The following SH3BGR variants were observed in gnomAD, a reference collection of about 807,000 sequenced individuals.
The protein encoded by SH3BGR is SH3 domain binding glutamate rich protein, also known as SH3 domain-binding glutamic acid-rich protein.
In SH3BGR, 29 loss-of-function variants were observed where a neutral mutation model predicts 24.5. The ratio of observed to expected loss-of-function variants is 1.18; its 90% CI spans 0.88 to 1.61. SH3BGR has a LOEUF of 1.61. Among genes scored for constraint, SH3BGR ranks in the 40% most tolerant of loss-of-function variants. The pLI, the probability that SH3BGR is intolerant of heterozygous loss-of-function variation, is 0.00. For missense variants in SH3BGR, 162 were observed against 205.8 expected (o/e 0.79, Z 1.30); for synonymous variants, 55 against 65.7 (o/e 0.84, Z 0.79).
chr21:39,465,579 G>A (rs1569153988), intron 2 of SH3BGR, among the ~76,000 whole-genome samples: 1 of 151,982 alleles, frequency 6.6e-6, no homozygotes, highest in South Asian at 2.1e-4. Context: ...CAGTATAGCT[G>A]CCCATGCTTA....
At chr21:39,454,435 G>A (rs1241362619) in intron 1 of SH3BGR, among the ~76,000 whole-genome samples, 2 of 152,200 alleles carry the variant, frequency 1.3e-5, no homozygotes, top group Non-Finnish European at 2.9e-5. Flanking sequence ...AATTTTAATA[G>A]TTGACTTCAA....
chr21:39,476,918 C>T (rs1273812978), intron 3 of SH3BGR, among the ~76,000 whole-genome samples: 2 of 152,112 alleles, frequency 1.3e-5, no homozygotes, highest in Non-Finnish European at 2.9e-5. Flanking sequence ...GAGTTACTGT[C>T]TTCACCAAGA....
At chr21:39,509,111 G>C (rs753526854) in intron 5 of SH3BGR, 84 bp downstream of exon 5, 1 of 1,112,258 alleles carries the variant, frequency 9.0e-7, no homozygotes, top group African/African-American at 1.6e-5. Flanking sequence ...CTTGAGGCAC[G>C]TTCTTAATAA....
chr21:39,504,717 A>G (rs1290446535), intron 4 of SH3BGR, among the ~76,000 whole-genome samples: 1 of 152,228 alleles, frequency 6.6e-6, no homozygotes, highest in Non-Finnish European at 1.5e-5. Flanking sequence ...GCCTATAATT[A>G]CTTGCCAGCC....
chr21:39,484,418 G>T (rs1483393733), intron 3 of SH3BGR, among the ~76,000 whole-genome samples: 1 of 152,130 alleles, frequency 6.6e-6, no homozygotes, highest in Non-Finnish European at 1.5e-5. Context: ...TTTGTTTATT[G>T]TAACTTGCTA....
chr21:39,468,896 G>C (rs938782405), intron 2 of SH3BGR, among the ~76,000 whole-genome samples: 7 of 151,946 alleles, frequency 4.6e-5, no homozygotes, highest in African/African-American at 7.3e-5. Flanking sequence ...TGCTAGGCTT[G>C]GGTTCTTCTC....
upstream of SH3BGR, among the ~76,000 whole-genome samples, chr21:39,447,745 CT>C (rs1206422642): frequency 6.6e-6 from 1 of 152,062 alleles, no homozygotes; most frequent in Non-Finnish European, 1.5e-5. Flanking sequence ...AAGGGGTGTT[CT>C]TTTCTGTGTA....
intron 3 of SH3BGR, among the ~76,000 whole-genome samples, chr21:39,480,933 C>G (rs990310199): frequency 2.0e-5 from 3 of 152,146 alleles, no homozygotes; most frequent in Non-Finnish European, 4.4e-5. Context: ...ATCTTATTTG[C>G]TTTAGTTAAG....
chr21:39,511,913 G>A lies in SH3BGR; in HGVS notation c.*34+104G>A, dbSNP rs1602187166. The A allele has an allele frequency of 9.2e-7, 1 of 1,091,396 alleles. No homozygotes were observed. The highest frequency in any genetic ancestry group is 1.3e-6 in the Non-Finnish European group (1 of 790,894). 67.6% of individuals were successfully genotyped at this position (1,091,396 alleles called of 1,614,324 possible). On this transcript the variant is annotated intron_variant, in intron 6 of 6. Coordinates refer to ENST00000333634, the MANE Select transcript of SH3BGR (RefSeq NM_007341.3). This position sits in a 1 kb window ranked among gnomAD's most constrained non-coding sequence, Gnocchi z 4.2. Reference sequence around the variant, plus strand: ...AGGAGAAAGGGAATTCCAATTCAGGGCTGTCTGTCTCCTTCCAAAGCCCTG... The same window carrying A: ...AGGAGAAAGGGAATTCCAATTCAGGACTGTCTGTCTCCTTCCAAAGCCCTG...
upstream of SH3BGR, among the ~76,000 whole-genome samples, chr21:39,447,667 C>G (rs941749985): frequency 6.6e-6 from 1 of 152,044 alleles, no homozygotes; most frequent in Non-Finnish European, 1.5e-5. Context: ...GATCTGCCCG[C>G]CTCGGCCTCC....
At chr21:39,479,095 G>A (rs562489213) in intron 3 of SH3BGR, among the ~76,000 whole-genome samples, 1 of 152,322 alleles carries the variant, frequency 6.6e-6, no homozygotes, top group Admixed American at 6.5e-5. Context: ...TGAGCTGGCA[G>A]TGGTGGGTGC....
Position 39,515,095 on chromosome 21 carries a change from A to G in SH3BGR, c.*42A>G, listed in dbSNP as rs2078759285. On this transcript the variant is annotated 3_prime_UTR_variant, in exon 7 of 7. Transcript: ENST00000333634. ...ATTTGCCTTTTCTTTTAGAAAATGGAAGCTATGAAGCAACATTTCAAATGT... is the reference window on the plus strand; with the variant it reads ...ATTTGCCTTTTCTTTTAGAAAATGGGAGCTATGAAGCAACATTTCAAATGT... 2.1e-6 allele frequency: 1 copy of G among 469,938 alleles called. No individual in the cohort carries two copies. Among genetic ancestry groups the G allele is most frequent in the Non-Finnish European group, 4.4e-6 (1 of 226,550 alleles). The allele number at this position is 469,938 out of a possible 1,614,324, so 29.1% of individuals were successfully genotyped here.
At chr21:39,462,002 C>T (rs1602080870) in intron 1 of SH3BGR, among the ~76,000 whole-genome samples, 1 of 152,110 alleles carries the variant, frequency 6.6e-6, no homozygotes, top group South Asian at 2.1e-4. Flanking sequence ...GCGTGTGCTA[C>T]CATGCTTGGC....
intron 3 of SH3BGR, among the ~76,000 whole-genome samples, chr21:39,485,495 A>C (rs1411760926): frequency 1.3e-5 from 2 of 152,184 alleles, no homozygotes; most frequent in African/African-American, 4.8e-5. Context: ...TAAGACATTA[A>C]AATAACATCA....
At chr21:39,461,865 T>C (rs903891792) in intron 1 of SH3BGR, among the ~76,000 whole-genome samples, 1 of 152,156 alleles carries the variant, frequency 6.6e-6, no homozygotes, top group African/African-American at 2.4e-5. Flanking sequence ...TTATATTTTT[T>C]TGGGATGGAA....
At chr21:39,494,161 G>A (rs1182131775) in intron 3 of SH3BGR, among the ~76,000 whole-genome samples, 2 of 151,630 alleles carry the variant, frequency 1.3e-5, no homozygotes, top group South Asian at 2.1e-4. Context: ...TATGCTATAC[G>A]ATCATGTGTA....
intron 2 of SH3BGR, among the ~76,000 whole-genome samples, chr21:39,468,251 A>G (rs542330012): frequency 7.2e-5 from 11 of 152,340 alleles, no homozygotes; most frequent in Non-Finnish European, 8.8e-5. Context: ...TGAACAAACT[A>G]TGTTATGTTC....
chr21:39,494,183 T>C (rs1220346785), intron 3 of SH3BGR, among the ~76,000 whole-genome samples: 1 of 152,100 alleles, frequency 6.6e-6, no homozygotes, highest in African/African-American at 2.4e-5. Flanking sequence ...CACATTTCCA[T>C]ATACCATTAA....
intron 3 of SH3BGR, among the ~76,000 whole-genome samples, chr21:39,484,796 T>C (rs540222714): frequency 9.2e-5 from 14 of 152,336 alleles, no homozygotes; most frequent in African/African-American, 3.1e-4. Flanking sequence ...CTTAGGTTGA[T>C]AGGTGTTTAT....
Sources: gnomAD v4.1 joint callset for allele counts (sites outside exome capture counted in the v4.1 genomes callset) on GRCh38, gnomAD v4.1.1 for gene constraint, Gnocchi (gnomAD v3.1) non-coding constraint, MANE v1.5 for transcripts, NCBI Gene and HGNC (gene_info 2026-07-23, HGNC 2026-07-21) for gene names.